The following CRYBG3 variants were observed in gnomAD, a reference collection of about 807,000 sequenced individuals.
CRYBG3 encodes the protein crystallin beta-gamma domain containing 3, also known as very large A-kinase anchor protein.
A neutral mutation model predicts 244.2 loss-of-function variants in CRYBG3; 127 were observed. That is an observed-to-expected ratio of 0.52 (90% CI 0.45 to 0.60). The LOEUF is 0.60. Among genes scored for constraint, CRYBG3 ranks in the 20% least tolerant of loss-of-function variants. The pLI is 0.00. For missense variants in CRYBG3, 3,325 were observed against 3,442.5 expected, an observed-to-expected ratio of 0.97 and a Z score of 0.85; for synonymous variants, 1,132 against 1,195.8, an observed-to-expected ratio of 0.95 and a Z score of 1.10.
intron 12 of CRYBG3, among the ~76,000 whole-genome samples, chr3:97,896,304 A>C (rs553072550): frequency 6.6e-6 from 1 of 152,244 alleles, no homozygotes; most frequent in African/African-American, 2.4e-5. Context: ...TCATCTTTTG[A>C]GTACCTTCTT....
chr3:97,908,081 G>T (rs1391433139), intron 15 of CRYBG3, among the ~76,000 whole-genome samples: 1 of 152,076 alleles, frequency 6.6e-6, no homozygotes, highest in Non-Finnish European at 1.5e-5. Context: ...TAATCCTGAG[G>T]TCTAGTTTGA....
intron 17 of CRYBG3, among the ~76,000 whole-genome samples, chr3:97,931,616 T>C (rs2040097577): frequency 6.6e-6 from 1 of 152,110 alleles, no homozygotes; most frequent in African/African-American, 2.4e-5. Context: ...GTTAAGATTA[T>C]CCTGGCTCTA....
rs754358720 is a variant in CRYBG3 at position 97,895,947 on chromosome 3, C to G, written c.7575-12C>G. ...TATTAATGGGTCATTTGGGTGTCCCCTGTATTTCTAGGTGGGTTGCCTATG... is the reference window on the plus strand; with the variant it reads ...TATTAATGGGTCATTTGGGTGTCCCGTGTATTTCTAGGTGGGTTGCCTATG... On this transcript the variant is annotated splice_polypyrimidine_tract_variant and intron_variant, in intron 11 of 21. Transcript: ENST00000389622. 15 of 1,609,750 alleles carry G rather than the reference C, an allele frequency of 9.3e-6. No individual in the cohort carries two copies. Among genetic ancestry groups the G allele is most frequent in the African/African-American group, 1.3e-5 (1 of 74,536 alleles).
intron 2 of CRYBG3, among the ~76,000 whole-genome samples, chr3:97,852,657 T>G (rs773576724): frequency 7.9e-5 from 12 of 152,222 alleles, no homozygotes; most frequent in Non-Finnish European, 1.6e-4. Context: ...AGATATCTCT[T>G]TGACATACTG....
At chr3:97,845,157 G>A (rs1297460087) in intron 2 of CRYBG3, among the ~76,000 whole-genome samples, 1 of 152,082 alleles carries the variant, frequency 6.6e-6, no homozygotes, top group Non-Finnish European at 1.5e-5. Context: ...AATGCTTTCT[G>A]TGATAAGAGA....
rs2039195549 is a variant in CRYBG3, at chr3:97,864,447, G to A, written c.447G>A (p.Gln149=). Reference sequence around the variant, plus strand: ...AGCAGTCTTCTTTCAAAGATGACCAGGATAAAACTGAGAAGGATTTACAAA... The same window carrying A: ...AGCAGTCTTCTTTCAAAGATGACCAAGATAAAACTGAGAAGGATTTACAAA... ...EAKQSSFKDD[Q]DKTEKDLQNP... is the part of the protein sequence containing the mutation. The change falls in exon 3 of 22, where the codon CAG becomes CAA. Residue 149 remains glutamine (Q), a synonymous_variant. Transcript: ENST00000389622. The A allele has an allele frequency of 6.5e-7, 1 of 1,535,760 alleles. No homozygotes were observed. The highest frequency in any genetic ancestry group is 2.4e-5 in the East Asian group (1 of 40,892).
chr3:97,860,964 T>G (rs1013287032), intron 2 of CRYBG3, among the ~76,000 whole-genome samples: 2 of 152,220 alleles, frequency 1.3e-5, no homozygotes, highest in African/African-American at 4.8e-5. Flanking sequence ...ATTTGACAAC[T>G]AAATAGTTCA....
intron 2 of CRYBG3, among the ~76,000 whole-genome samples, chr3:97,859,860 T>A (rs2108197899): frequency 6.6e-6 from 1 of 152,286 alleles, no homozygotes; most frequent in Admixed American, 6.5e-5. Context: ...ATGCTAATAC[T>A]TTGTCTTTAT....
intron 1 of CRYBG3, among the ~76,000 whole-genome samples, chr3:97,839,423 T>A (rs2038781266): frequency 6.6e-6 from 1 of 152,172 alleles, no homozygotes; most frequent in Non-Finnish European, 1.5e-5. Flanking sequence ...TTAAATCAAC[T>A]GAAAATGACC....
Position 97,902,142 on chromosome 3 carries a change from C to T in CRYBG3, c.8004+1657C>T, listed in dbSNP as rs138219173. Among the ~76,000 whole-genome samples, 107 of 152,168 alleles carry T rather than the reference C, an allele frequency of 7.0e-4. 5 individuals are homozygous for T. The East Asian group carries it at 0.02, about 28-fold the overall frequency. ...GCAGTAGTTACAAAAGTCAGATTGG[C>T]AATACAGATGCTGTGTTCAGATGGG... On this transcript the variant is annotated intron_variant, in intron 15 of 21. Transcript: ENST00000389622.
chr3:97,905,429 T>C lies in CRYBG3; in HGVS notation c.8004+4944T>C, dbSNP rs1410106974. On this transcript the variant is annotated intron_variant, in intron 15 of 21. Transcript: ENST00000389622. ...TGTTGTTTCCTGACTTTTTAATGAT[T>C]GCCATTCTAACTGGTGTGAGATGGT... 8.6e-5 allele frequency among the ~76,000 whole-genome samples: 13 copies of C among 151,502 alleles called. No individual in the cohort carries two copies. The East Asian group carries it at 1.4e-3, about 16-fold the overall frequency.
At chr3:97,925,988 A>G (rs2040036946) in intron 17 of CRYBG3, among the ~76,000 whole-genome samples, 2 of 152,088 alleles carry the variant, frequency 1.3e-5, no homozygotes, top group African/African-American at 4.8e-5. Context: ...TGTCTTAGAG[A>G]CCTTCTTGGT....
Position 97,875,741 on chromosome 3 carries a change from C to T in CRYBG3, c.4547C>T (p.Pro1516Leu). ...KNLPGHSKNT[P>L]LAMSDVGKVH... ...TTGCCAGGACACAGTAAAAACACAC[C>T]TCTTGCAATGTCAGATGTAGGGAAA... is the stretch of plus-strand genomic sequence containing the variant. Residue 1516 changes from proline to leucine, a missense_variant, in exon 4 of 22, where the codon CCT becomes CTT. Around this residue, in one of 4 missense-constraint regions of CRYBG3, gnomAD observed 635 missense variants for 771.7 expected, o/e 0.82. Coordinates refer to ENST00000389622, the MANE Select transcript of CRYBG3 (RefSeq NM_153605.4). 1.6e-6 allele frequency: 2 copies of T among 1,231,978 alleles called. No homozygotes were observed. The highest frequency in any genetic ancestry group is 8.2e-5 in the South Asian group (2 of 24,306). The allele number at this position is 1,231,978 out of a possible 1,614,324, so 76.3% of individuals were successfully genotyped here. A position where few individuals can be genotyped will look rare whatever the true frequency, so the allele number is the denominator to read the frequency against.
At chr3:97,921,543 T>C (rs762747563) in intron 17 of CRYBG3, among the ~76,000 whole-genome samples, 106 of 152,308 alleles carry the variant, frequency 7.0e-4, no homozygotes, top group Admixed American at 1.4e-3. Flanking sequence ...GGGGTTGTAC[T>C]TTGGACTTAC....
At chr3:97,898,816 C>T (rs1190607562) in intron 12 of CRYBG3, 67 bp from the exon 13 acceptor site, 11 of 1,132,740 alleles carry the variant, frequency 9.7e-6, no homozygotes, top group Admixed American at 9.0e-5. Flanking sequence ...TGATATTTTG[C>T]TAGATAATAG....
In CRYBG3 at chr3:97,876,474, A is replaced by G. The variant is rs2039373594; in HGVS notation, c.5280A>G (p.Leu1760=). Reference sequence around the variant, plus strand: ...AAACTGAGGTGATGCCCCTTGCATTAGAGGTAGTAAATACTTACCAAAAAA... The same window carrying G: ...AAACTGAGGTGATGCCCCTTGCATTGGAGGTAGTAAATACTTACCAAAAAA... The part of the protein sequence containing the change: ...GGKTEVMPLA[L]EVVNTYQKNA... Residue 1760 remains leucine, a synonymous_variant, in exon 4 of 22, where the codon TTA becomes TTG. Coordinates refer to ENST00000389622, the MANE Select transcript of CRYBG3 (RefSeq NM_153605.4). 2 of 1,232,036 alleles carry G rather than the reference A, an allele frequency of 1.6e-6. No homozygotes were observed. 76.3% of individuals were successfully genotyped at this position (1,232,036 alleles called of 1,614,324 possible). A position where few individuals can be genotyped will look rare whatever the true frequency, so the allele number is the denominator to read the frequency against.
chr3:97,829,823 C>T (rs1365072887), intron 1 of CRYBG3, among the ~76,000 whole-genome samples: 1 of 152,152 alleles, frequency 6.6e-6, no homozygotes, highest in Non-Finnish European at 1.5e-5. Context: ...CCAAATCTTT[C>T]TTCTCTCTTG....
intron 7 of CRYBG3, among the ~76,000 whole-genome samples, chr3:97,885,771 A>G (rs1009854064): frequency 1.3e-5 from 2 of 152,036 alleles, no homozygotes; most frequent in Admixed American, 6.6e-5. Flanking sequence ...TTGGTGTCCT[A>G]TTATAGAAAG....
At chr3:97,827,033 T>C (rs1172555090) in intron 1 of CRYBG3, among the ~76,000 whole-genome samples, 1 of 152,250 alleles carries the variant, frequency 6.6e-6, no homozygotes, top group Non-Finnish European at 1.5e-5. Context: ...GGAAACATGA[T>C]AGTAACTGCA....
Sources: gnomAD v4.1 joint callset for allele counts (sites outside exome capture counted in the v4.1 genomes callset) on GRCh38, gnomAD v4.1.1 for gene constraint, gnomAD v4.1.1 regional missense constraint, MANE v1.5 for transcripts, NCBI Gene and HGNC (gene_info 2026-07-23, HGNC 2026-07-21) for gene names.